AKAP11: variants seen among roughly 807,000 people sequenced by gnomAD.
AKAP11 encodes A-kinase anchoring protein 11, also known as A-kinase anchor protein 11.
A neutral mutation model predicts 146.1 loss-of-function variants in AKAP11; 36 were observed. That is an observed-to-expected ratio of 0.25 (90% confidence interval 0.19 to 0.33). The LOEUF (loss-of-function observed/expected upper bound fraction) is 0.33, where lower values mean the gene tolerates loss of function less well. AKAP11 is among the 10% of genes least tolerant of loss of function. The pLI, the probability that AKAP11 is intolerant of heterozygous loss-of-function variation, is 1.00. For synonymous variants in AKAP11, 780 were observed against 786.5 expected, an observed-to-expected ratio of 0.99 and a Z score of 0.14; for missense variants, 2,201 against 2,197.0, an observed-to-expected ratio of 1.00 and a Z score of -0.04.
intron 1 of AKAP11, among the ~76,000 whole-genome samples, chr13:42,275,463 T>C (rs1206292110): frequency 6.6e-6 from 1 of 152,194 alleles, no homozygotes; most frequent in African/African-American, 2.4e-5. Flanking sequence ...GGAAGAGACT[T>C]AGATTTGTCT....
chr13:42,283,000 T>G (rs977723989), intron 1 of AKAP11, among the ~76,000 whole-genome samples: 1 of 152,250 alleles, frequency 6.6e-6, no homozygotes, highest in African/African-American at 2.4e-5. Flanking sequence ...TTGTGAAATC[T>G]GTCAAAAACG....
At chr13:42,286,121 A>G (rs1959163445) in intron 2 of AKAP11, 86 bp downstream of exon 2, 1 of 334,394 alleles carries the variant, frequency 3.0e-6, no homozygotes, top group Admixed American at 4.8e-5. Context: ...ACCAATATTC[A>G]TATATTTTTC....
At chr13:42,281,329 C>G (rs1959053484) in intron 1 of AKAP11, among the ~76,000 whole-genome samples, 2 of 152,122 alleles carry the variant, frequency 1.3e-5, no homozygotes, top group South Asian at 2.1e-4. Context: ...TCCATGTAGA[C>G]CTGTTGAATT....
At position 42,301,265 on chromosome 13, in the gene AKAP11, C is replaced by G; in HGVS notation, c.2519C>G (p.Ser840Ter). ...AACLRNICLP[S>*]EHNPGNQNDF... ...TGTCTCAGAAATATTTGTTTACCTT[C>G]AGAACACAATCCAGGTAATCAGAAT... The change falls in exon 8 of 13, where the codon TCA becomes TGA. Residue 840 changes from serine (S) to a stop codon, truncating the protein, a stop_gained. Coordinates refer to ENST00000025301, the MANE Select transcript of AKAP11 (RefSeq NM_016248.4). LOFTEE classifies it high-confidence loss of function. The G allele has an allele frequency of 6.2e-7, 1 of 1,613,904 alleles. No individual in the cohort carries two copies.
intron 3 of AKAP11, among the ~76,000 whole-genome samples, chr13:42,288,387 T>G (rs890733208): frequency 6.6e-6 from 1 of 152,196 alleles, no homozygotes; most frequent in African/African-American, 2.4e-5. Context: ...AGTTAATAAT[T>G]TGTCTTGTTT....
Position 42,319,102 on chromosome 13 carries a change from A to G in AKAP11, c.5580A>G (p.Leu1860=), listed in dbSNP as rs759424693. 2 of 1,613,834 alleles carry G rather than the reference A, an allele frequency of 1.2e-6. No homozygotes were observed. Among genetic ancestry groups the G allele is most frequent in the Non-Finnish European group, 1.7e-6 (2 of 1,179,862 alleles). ...NKEFMLLSKQ[L]QEKGWKVGDL... is the part of the protein sequence containing the mutation. ...TTCTTTCTTAGCTTTCAAAACAATT[A>G]CAAGAGAAAGGATGGAAAGTGGGAG... is the stretch of plus-strand genomic sequence containing the variant. The change falls in exon 13 of 13, where the codon TTA becomes TTG. Residue 1860 remains leucine, a synonymous_variant. Coordinates refer to ENST00000025301, the MANE Select transcript of AKAP11 (RefSeq NM_016248.4).
intron 12 of AKAP11, among the ~76,000 whole-genome samples, chr13:42,318,350 T>G (rs1464376914): frequency 2.6e-5 from 4 of 152,176 alleles, no homozygotes; most frequent in Non-Finnish European, 5.9e-5. Flanking sequence ...CTAGGACACT[T>G]TGGGTGAATT....
rs140201897 is a variant in AKAP11, at chr13:42,301,015, G to A, written c.2269G>A (p.Val757Met). ...HNQAIMVTKPVQEYKKEYTVQ... is the reference protein window; with the variant it reads ...HNQAIMVTKPMQEYKKEYTVQ... ...TCAAGCAATTATGGTGACAAAACCA[G>A]TGCAGGAATATAAAAAGGAATACAC... Residue 757 changes from valine (V) to methionine (M), a missense_variant, in exon 8 of 13, where the codon GTG becomes ATG. By Grantham distance (21) the Val-to-Met change is conservative. This residue lies in a region of AKAP11 where 1,867 missense variants were observed against 1,833.5 expected (regional missense o/e 1.02). Transcript: ENST00000025301. 11 of 1,613,972 alleles carry A rather than the reference G, an allele frequency of 6.8e-6. 1 individual carries two copies. Among genetic ancestry groups the A allele is most frequent in the Middle Eastern group, 3.3e-4 (2 of 6,084 alleles).
chr13:42,277,490 G>A (rs924679240), intron 1 of AKAP11, among the ~76,000 whole-genome samples: 7 of 152,204 alleles, frequency 4.6e-5, no homozygotes, highest in African/African-American at 7.2e-5. Flanking sequence ...CCAGTGGCTA[G>A]TTGGGCTCAA....
chr13:42,300,359 A>C lies in AKAP11; in HGVS notation c.1613A>C (p.Lys538Thr). 1.9e-6 allele frequency: 3 copies of C among 1,605,174 alleles called. No homozygotes were observed. The highest frequency in any genetic ancestry group is 2.5e-6 in the Non-Finnish European group (3 of 1,177,528). Residue 538 changes from lysine to threonine, a missense_variant, in exon 8 of 13, where the codon AAA becomes ACA. By Grantham distance (78) the Lys-to-Thr change is moderately conservative. Around this residue, in one of 3 missense-constraint regions of AKAP11, gnomAD observed 1,867 missense variants for 1,833.5 expected, o/e 1.02. Coordinates refer to ENST00000025301, the MANE Select transcript of AKAP11 (RefSeq NM_016248.4). ...FKHGNLDQKN[K>T]SKNKSLMIKD... The stretch of plus-strand genomic sequence containing the variant: ...CATGGAAACCTTGATCAAAAAAATA[A>C]ATCTAAAAATAAATCCTTAATGATT...
At chr13:42,296,666 A>C (rs1959533298) in intron 5 of AKAP11, among the ~76,000 whole-genome samples, 1 of 152,086 alleles carries the variant, frequency 6.6e-6, no homozygotes, top group Admixed American at 6.5e-5. Flanking sequence ...AAAAGTTTTT[A>C]AGATGTACAT....
rs1594318452 is a variant in AKAP11, at chr13:42,292,351, A to C, written c.52-34A>C. The C allele has an allele frequency of 1.4e-5, 19 of 1,338,708 alleles. No homozygotes were observed. The East Asian group carries it at 4.2e-4, about 30-fold the overall frequency. 82.9% of individuals were successfully genotyped at this position (1,338,708 alleles called of 1,614,324 possible). Reference sequence around the variant, plus strand: ...CTTACCCTTGTCTTAGAATTAAATAAATTTGAAATATCTTTGCTTTCTTTC... The same window carrying C: ...CTTACCCTTGTCTTAGAATTAAATACATTTGAAATATCTTTGCTTTCTTTC... On this transcript the variant is annotated intron_variant, in intron 3 of 12. Coordinates refer to ENST00000025301, the MANE Select transcript of AKAP11 (RefSeq NM_016248.4).
rs1481031508 is a variant in AKAP11 at position 42,313,790 on chromosome 13, G to A, written c.5358-104G>A. The A allele has an allele frequency of 5.4e-6, 5 of 925,230 alleles. No homozygotes were observed. The Admixed American group carries it at 8.8e-5, about 16-fold the overall frequency. 57.3% of individuals were successfully genotyped at this position (925,230 alleles called of 1,614,324 possible). A position where few individuals can be genotyped will look rare whatever the true frequency, so the allele number is the denominator to read the frequency against. ...TTTCTCCCCTTTCTAAATGTCATAT[G>A]TCATATTGTAACATTCATTCATTAC... On this transcript the variant is annotated intron_variant, in intron 10 of 12. Transcript: ENST00000025301.
chr13:42,272,771 T>C (rs1393364755), intron 1 of AKAP11, among the ~76,000 whole-genome samples: 1 of 152,188 alleles, frequency 6.6e-6, no homozygotes, highest in African/African-American at 2.4e-5. Context: ...AGTATTGATA[T>C]TTGGATTTGC....
At chr13:42,294,411 C>CT (rs796839723) in intron 4 of AKAP11, among the ~76,000 whole-genome samples, 68 of 150,562 alleles carry the variant, frequency 4.5e-4, no homozygotes, top group African/African-American at 1.6e-3. Flanking sequence ...TTTTTCTTTT[C>CT]TTTTTTTTTG....
At chr13:42,317,839 C>G in intron 12 of AKAP11, 151 bp downstream of exon 12, 1 of 833,946 alleles carries the variant, frequency 1.2e-6, no homozygotes, top group Non-Finnish European at 1.8e-6. Flanking sequence ...CTGCCACTTT[C>G]TAGCAGTATA....
chr13:42,273,624 A>G (rs914177320), intron 1 of AKAP11, among the ~76,000 whole-genome samples: 5 of 152,158 alleles, frequency 3.3e-5, no homozygotes, highest in African/African-American at 1.2e-4. Flanking sequence ...GTGGACTCCT[A>G]GGCCAGTGAT....
intron 1 of AKAP11, among the ~76,000 whole-genome samples, chr13:42,284,682 A>G (rs1959131900): frequency 6.6e-6 from 1 of 152,212 alleles, no homozygotes; most frequent in African/African-American, 2.4e-5. Flanking sequence ...TTTGAGTCTC[A>G]CAGTAAACTT....
chr13:42,271,566 G>A (rs1594283395), upstream of AKAP11, among the ~76,000 whole-genome samples: 1 of 152,200 alleles, frequency 6.6e-6, no homozygotes, highest in African/African-American at 2.4e-5. Flanking sequence ...CCCGGGCTTC[G>A]GAAGAAAGCA....
Sources: gnomAD v4.1 joint callset for allele counts (sites outside exome capture counted in the v4.1 genomes callset) on GRCh38, gnomAD v4.1.1 for gene constraint, gnomAD v4.1.1 regional missense constraint, MANE v1.5 for transcripts, NCBI Gene and HGNC (gene_info 2026-07-23, HGNC 2026-07-21) for gene names.